The following CLK3 variants were observed in gnomAD, a reference collection of about 807,000 sequenced individuals.
The protein encoded by CLK3 is dual specificity protein kinase CLK3.
Under a neutral mutation model 65.2 loss-of-function variants are expected in CLK3, and 24 were observed. The ratio of observed to expected loss-of-function variants is 0.37; its 90% CI spans 0.27 to 0.52. The LOEUF (loss-of-function observed/expected upper bound fraction) is 0.52. CLK3 is among the 20% of genes least tolerant of loss of function. CLK3 has a pLI of 0.92. For missense variants in CLK3, 506 were observed against 660.0 expected, an observed-to-expected ratio of 0.77 and a Z score of 2.56; for synonymous variants, 252 against 240.8, an observed-to-expected ratio of 1.05 and a Z score of -0.43.
upstream of CLK3, chr15:74,615,626 G>C: frequency 8.0e-7 from 1 of 1,252,362 alleles, no homozygotes; most frequent in Non-Finnish European, 1.0e-6. Flanking sequence ...CCGCGACACG[G>C]CGGGAGGCGG....
At chr15:74,618,525 GA>G (rs2062077081) in intron 1 of CLK3, among the ~76,000 whole-genome samples, 1 of 152,198 alleles carries the variant, frequency 6.6e-6, no homozygotes, top group Non-Finnish European at 1.5e-5. Context: ...CCTCTGGAAA[GA>G]AAGTTAGATG....
rs1028663821 is a variant in CLK3 at position 74,621,883 on chromosome 15, C to G, written c.370-237C>G. ...CCGAGTTTTCTTTACATACCTGTAG[C>G]TGTTTTTACTTTTCTGTTTTTGAAG... On this transcript the variant is annotated intron_variant, in intron 3 of 12. Transcript: ENST00000395066. The surrounding 1 kb of genome is among the most constrained non-coding windows in gnomAD (Gnocchi z 4.8). 1 of 562,706 alleles carries G rather than the reference C, an allele frequency of 1.8e-6. No homozygotes were observed. The highest frequency in any genetic ancestry group is 1.9e-5 in the African/African-American group (1 of 53,596). The allele number at this position is 562,706 out of a possible 1,614,324, so 34.9% of individuals were successfully genotyped here.
rs1223843412 is a variant in CLK3 at position 74,627,549 on chromosome 15, A to T, written c.923A>T (p.Glu308Val). The change falls in exon 9 of 13, where the codon GAG becomes GTG. Residue 308 changes from glutamate (E) to valine (V), a missense_variant. Physicochemically the swap from Glu to Val is moderately radical, Grantham distance 121 (BLOSUM62 -2). This residue lies in a region of CLK3 where 325 missense variants were observed against 500.5 expected (regional missense o/e 0.65). Transcript: ENST00000395066. This position sits in a 1 kb window ranked among gnomAD's most constrained non-coding sequence, Gnocchi z 4.3. The part of the protein sequence containing the change: ...TLYNEHKSCE[E>V]KSVKNTSIRV... Reference sequence around the variant, plus strand: ...TGCCTTGCCTTTCAGAGCTGTGAGGAGAAGTCAGTGAAGAACACCAGCATC... The same window carrying T: ...TGCCTTGCCTTTCAGAGCTGTGAGGTGAAGTCAGTGAAGAACACCAGCATC... 6 of 1,614,072 alleles carry T rather than the reference A, an allele frequency of 3.7e-6. No homozygotes were observed. The African/African-American group carries it at 5.3e-5, about 14-fold the overall frequency.
At chr15:74,618,267 C>T (rs1185734064) in intron 1 of CLK3, among the ~76,000 whole-genome samples, 1 of 152,208 alleles carries the variant, frequency 6.6e-6, no homozygotes, top group Non-Finnish European at 1.5e-5. Flanking sequence ...CTCACATGGC[C>T]AGCTTTCTCC....
chr15:74,610,453 G>C (rs929530834), intron 1 of CLK3, among the ~76,000 whole-genome samples: 3 of 152,252 alleles, frequency 2.0e-5, no homozygotes, highest in African/African-American at 7.2e-5. Context: ...CAGAGCCTCA[G>C]ATAGGTAGGG....
chr15:74,619,474 T>C (rs2062084785), intron 2 of CLK3, 126 bp downstream of exon 2: 2 of 1,052,214 alleles, frequency 1.9e-6, no homozygotes, highest in African/African-American at 1.6e-5. Flanking sequence ...CCTGTCCTCT[T>C]TGGGCTCCTC....
chr15:74,609,152 G>A (rs978510371), intron 1 of CLK3, among the ~76,000 whole-genome samples: 21 of 152,172 alleles, frequency 1.4e-4, no homozygotes, highest in African/African-American at 4.3e-4. Flanking sequence ...CCACCCCACC[G>A]AGTTGTGGCT....
At position 74,627,750 on chromosome 15, in the gene CLK3, A is replaced by G. The variant is rs2062155804; in HGVS notation, c.1042+82A>G. 2 of 1,571,460 alleles carry G rather than the reference A, an allele frequency of 1.3e-6. No homozygotes were observed. The highest frequency in any genetic ancestry group is 1.7e-6 in the Non-Finnish European group (2 of 1,146,188). ...GAGCAGAGGCAGTGGCATGCCTGTC[A>G]TTCTCTGCCACCCAGGGCAGGCAGA... On this transcript the variant is annotated intron_variant, in intron 9 of 12. Transcript: ENST00000395066. The surrounding 1 kb of genome is among the most constrained non-coding windows in gnomAD (Gnocchi z 4.3).
intron 10 of CLK3, among the ~76,000 whole-genome samples, chr15:74,628,339 G>A (rs1175240849): frequency 6.6e-6 from 1 of 152,138 alleles, no homozygotes; most frequent in Non-Finnish European, 1.5e-5. Context: ...TAAAGGCATC[G>A]GGATGGGCTG....
intron 5 of CLK3, chr15:74,623,767 A>G (rs1426794469): frequency 6.6e-6 from 1 of 152,306 alleles, no homozygotes; most frequent in East Asian, 1.9e-4. Context: ...GGGAAACTTT[A>G]CGGGACTCAA....
intron 1 of CLK3, 129 bp downstream of exon 1, chr15:74,616,027 G>A: frequency 2.7e-6 from 2 of 741,866 alleles, no homozygotes; most frequent in Non-Finnish European, 1.8e-6. Context: ...GGCCCATATC[G>A]GGCCGCGACC....
chr15:74,626,472 T>C (rs1398051400), intron 7 of CLK3, among the ~76,000 whole-genome samples: 1 of 152,184 alleles, frequency 6.6e-6, no homozygotes, highest in Non-Finnish European at 1.5e-5. Flanking sequence ...TTGGTAGGCG[T>C]TGAGCTAGAA....
intron 7 of CLK3, among the ~76,000 whole-genome samples, chr15:74,626,677 G>A (rs950287547): frequency 2.0e-5 from 3 of 152,184 alleles, no homozygotes; most frequent in Non-Finnish European, 2.9e-5. Flanking sequence ...GCCTGTTAAC[G>A]GGCTGAGAAT....
chr15:74,629,370 C>G (rs1347766701), intron 12 of CLK3: 2 of 529,208 alleles, frequency 3.8e-6, no homozygotes, highest in Admixed American at 3.2e-5. Flanking sequence ...GAGGGAAGAC[C>G]TAGACATGGC....
At position 74,622,666 on chromosome 15, in the gene CLK3, T is replaced by C. The variant is rs1011664468; in HGVS notation, c.533+106T>C. The C allele has an allele frequency of 1.7e-5, 15 of 857,916 alleles. No individual in the cohort carries two copies. Among genetic ancestry groups the C allele is most frequent in the East Asian group, 2.6e-5 (1 of 38,544 alleles). 53.1% of individuals were successfully genotyped at this position (857,916 alleles called of 1,614,324 possible). A position where few individuals can be genotyped will look rare whatever the true frequency, so the allele number is the denominator to read the frequency against. On this transcript the variant is annotated intron_variant, in intron 5 of 12. Transcript: ENST00000395066. This position sits in a 1 kb window ranked among gnomAD's most constrained non-coding sequence, Gnocchi z 4.6. The stretch of plus-strand genomic sequence containing the variant: ...GCTATCAGAGCTTAACTTTTTTCTT[T>C]TTGAAGGGTGGCATCAAAGTAGGGT...
At position 74,622,344 on chromosome 15, in the gene CLK3, TGACACA is replaced by T; in HGVS notation, c.466+134_466+139del. On this transcript the variant is annotated intron_variant, in intron 4 of 12. Coordinates refer to ENST00000395066, the MANE Select transcript of CLK3 (RefSeq NM_001130028.2). This position sits in a 1 kb window ranked among gnomAD's most constrained non-coding sequence, Gnocchi z 4.6. ...GCGGGGCCACCAGTAATTGCCTGAA[TGACACA>T]GACACTAGCAACTTCCATTTTTAAG... 9.6e-7 allele frequency: 1 copy of T among 1,043,052 alleles called. No homozygotes were observed. Among genetic ancestry groups the T allele is most frequent in the African/African-American group, 1.6e-5 (1 of 63,242 alleles). The allele number at this position is 1,043,052 out of a possible 1,614,324, so 64.6% of individuals were successfully genotyped here.
chr15:74,623,143 C>T (rs1004096131), intron 5 of CLK3, among the ~76,000 whole-genome samples: 1 of 152,222 alleles, frequency 6.6e-6, no homozygotes, highest in Non-Finnish European at 1.5e-5. Flanking sequence ...CTGCACCTCA[C>T]TCTCTCCCAA....
Position 74,627,678 on chromosome 15 carries a change from T to G in CLK3, c.1042+10T>G. On this transcript the variant is annotated intron_variant, in intron 9 of 12. Transcript: ENST00000395066. The surrounding 1 kb of genome is among the most constrained non-coding windows in gnomAD (Gnocchi z 4.3). Reference sequence around the variant, plus strand: ...CCTGAGGTGATCCTTGGTGAGTGACTGTATGGCCTGTGACCTTGTCATACT... The same window carrying G: ...CCTGAGGTGATCCTTGGTGAGTGACGGTATGGCCTGTGACCTTGTCATACT... 5 of 1,613,310 alleles carry G rather than the reference T, an allele frequency of 3.1e-6. No homozygotes were observed. The highest frequency in any genetic ancestry group is 3.4e-6 in the Non-Finnish European group (4 of 1,180,002).
intron 1 of CLK3, among the ~76,000 whole-genome samples, chr15:74,609,357 A>G (rs1182806267): frequency 6.6e-6 from 1 of 152,204 alleles, no homozygotes; most frequent in Non-Finnish European, 1.5e-5. Context: ...GGGGCCAGTT[A>G]TGTGAAGATG....
Sources: allele counts gnomAD v4.1 joint callset (sites outside exome capture counted in the v4.1 genomes callset), GRCh38; gene constraint gnomAD v4.1.1; regional missense constraint gnomAD v4.1.1; non-coding constraint Gnocchi (gnomAD v3.1); transcripts MANE v1.5; gene names NCBI Gene and HGNC (gene_info 2026-07-23, HGNC 2026-07-21).